The following REV3L variants were observed in gnomAD, a reference collection of about 807,000 sequenced individuals.
The protein encoded by REV3L is DNA polymerase zeta catalytic subunit.
Under a neutral mutation model 299.4 loss-of-function variants are expected in REV3L, and 69 were observed. The observed-to-expected ratio is 0.23, with a 90% CI of 0.19 to 0.28. The LOEUF is 0.28. REV3L is among the 10% of genes least tolerant of loss of function. The pLI is 1.00. For missense variants in REV3L, 3,128 were observed against 3,693.8 expected (o/e 0.85, Z 3.97); for synonymous variants, 1,238 against 1,271.4 (o/e 0.97, Z 0.56).
intron 27 of REV3L, 55 bp from the exon 28 acceptor site, chr6:111,313,544 G>T: frequency 1.3e-6 from 2 of 1,512,852 alleles, no homozygotes; most frequent in Non-Finnish European, 8.9e-7. Flanking sequence ...CACCAAGAAT[G>T]TTTTATTTTT....
Position 111,482,990 on chromosome 6 carries a change from C to A in REV3L, c.-102G>T. 1 of 1,332,082 alleles carries A rather than the reference C, an allele frequency of 7.5e-7. No individual in the cohort carries two copies. The highest frequency in any genetic ancestry group is 1.7e-5 in the South Asian group (1 of 57,162). 82.5% of individuals were successfully genotyped at this position (1,332,082 alleles called of 1,614,324 possible). On this transcript the variant is annotated 5_prime_UTR_variant, in exon 1 of 32. Coordinates refer to ENST00000368802, the MANE Select transcript of REV3L (RefSeq NM_001372078.1). Reference sequence around the variant, plus strand: ...AGCGGCGGCGGCGCCCCCTCCCCTTCTCGGCACGGCCCCCTCCCCTCACAC... The same window carrying A: ...AGCGGCGGCGGCGCCCCCTCCCCTTATCGGCACGGCCCCCTCCCCTCACAC...
intron 31 of REV3L, among the ~76,000 whole-genome samples, chr6:111,300,933 A>G (rs1367178933): frequency 1.3e-5 from 2 of 152,250 alleles, no homozygotes; most frequent in Non-Finnish European, 2.9e-5. Flanking sequence ...AAGGGAGATA[A>G]CCATAAAATC....
intron 26 of REV3L, among the ~76,000 whole-genome samples, chr6:111,321,504 A>G (rs1774188619): frequency 6.6e-6 from 1 of 152,192 alleles, no homozygotes; most frequent in African/African-American, 2.4e-5. Flanking sequence ...AGTTTCATAG[A>G]ACAATAAAAT....
intron 26 of REV3L, chr6:111,315,588 A>T: frequency 1.8e-6 from 1 of 547,566 alleles, no homozygotes; most frequent in Non-Finnish European, 3.3e-6. Context: ...CTTTTAAGAC[A>T]TCCAATATTT....
At chr6:111,441,830 T>C (rs1378645750) in intron 1 of REV3L, among the ~76,000 whole-genome samples, 2 of 152,194 alleles carry the variant, frequency 1.3e-5, no homozygotes. Flanking sequence ...TAATCTTCTG[T>C]TATTATACAG....
chr6:111,307,238 A>T (rs1235169975), intron 31 of REV3L, 123 bp downstream of exon 31: 2 of 767,748 alleles, frequency 2.6e-6, no homozygotes, highest in Non-Finnish European at 4.4e-6. Flanking sequence ...GAAGTTTATC[A>T]TTTAGACTCT....
intron 1 of REV3L, among the ~76,000 whole-genome samples, chr6:111,470,671 C>G (rs1792089328): frequency 6.6e-6 from 1 of 152,170 alleles, no homozygotes; most frequent in Non-Finnish European, 1.5e-5. Flanking sequence ...TTTCTAATGA[C>G]CTCATTAAAA....
intron 31 of REV3L, among the ~76,000 whole-genome samples, chr6:111,300,908 C>T (rs1046200392): frequency 5.9e-5 from 9 of 152,190 alleles, no homozygotes; most frequent in East Asian, 5.8e-4. Context: ...AGGATAACAG[C>T]GATTTGCAGG....
Position 111,351,691 on chromosome 6 carries a change from T to C in REV3L, c.7285A>G (p.Ile2429Val), listed in dbSNP as rs766620001. The part of the protein sequence containing the change: ...AALSIDLCRM[I>V]SRVPDDKIEN... ...TGACACATACCTGGCACCCGAGAGA[T>C]CATCCGACATAAGTCAATACTTAAA... Residue 2429 changes from isoleucine to valine, a missense_variant, in exon 19 of 32, where the codon ATC becomes GTC. Physicochemically the swap from Ile to Val is conservative, Grantham distance 29 (BLOSUM62 3). Around this residue, in one of 9 missense-constraint regions of REV3L, gnomAD observed 50 missense variants for 48.2 expected, o/e 1.04. Transcript: ENST00000368802. 4.3e-6 allele frequency: 7 copies of C among 1,612,896 alleles called. No homozygotes were observed. The African/African-American group carries it at 9.4e-5, about 22-fold the overall frequency.
chr6:111,421,390 A>C (rs1785330336), intron 1 of REV3L, among the ~76,000 whole-genome samples: 1 of 152,200 alleles, frequency 6.6e-6, no homozygotes. Flanking sequence ...TAAATATTTT[A>C]GGCTTTATGG....
At chr6:111,313,253 G>T in intron 28 of REV3L, 99 bp downstream of exon 28, 1 of 1,063,330 alleles carries the variant, frequency 9.4e-7, no homozygotes, top group Non-Finnish European at 1.3e-6. Flanking sequence ...ATAGGCTATA[G>T]TTCCTTCACC....
rs529942794 is a variant in REV3L, at chr6:111,310,016, A to G, written c.8879T>C (p.Val2960Ala). 8.1e-6 allele frequency: 13 copies of G among 1,613,174 alleles called. No individual in the cohort carries two copies. The South Asian group carries it at 1.4e-4, about 18-fold the overall frequency. ...GCGCCTTACAAGCTGGATAAGTGGT[A>G]CTCCGGGGGTCCCATAAATGATGAC... ...PYVIIYGTPG[V>A]PLIQLVRRPV... Residue 2960 changes from valine to alanine, a missense_variant, in exon 30 of 32, where the codon GTA becomes GCA. Val to Ala is a moderately conservative substitution (Grantham distance 64, BLOSUM62 0). Around this residue, in one of 9 missense-constraint regions of REV3L, gnomAD observed 294 missense variants for 377.0 expected, o/e 0.78. Coordinates refer to ENST00000368802, the MANE Select transcript of REV3L (RefSeq NM_001372078.1).
At chr6:111,461,381 C>A (rs1790756836) in intron 1 of REV3L, among the ~76,000 whole-genome samples, 1 of 151,806 alleles carries the variant, frequency 6.6e-6, no homozygotes, top group Non-Finnish European at 1.5e-5. Context: ...TTTTGTACAG[C>A]TGTACAATGT....
At chr6:111,364,316 A>G (rs1423519353) in intron 15 of REV3L, among the ~76,000 whole-genome samples, 1 of 152,124 alleles carries the variant, frequency 6.6e-6, no homozygotes, top group Non-Finnish European at 1.5e-5. Context: ...AAGACAAGCA[A>G]GCAATCAATA....
intron 20 of REV3L, among the ~76,000 whole-genome samples, chr6:111,345,580 G>T (rs1776941975): frequency 1.3e-5 from 2 of 151,822 alleles, no homozygotes; most frequent in African/African-American, 4.8e-5. Context: ...CATACCCCAG[G>T]ATCTATCAAC....
chr6:111,398,347 A>G (rs961549471), intron 4 of REV3L, among the ~76,000 whole-genome samples: 1 of 152,060 alleles, frequency 6.6e-6, no homozygotes, highest in African/African-American at 2.4e-5. Context: ...GAGGATGTTA[A>G]AAAAATATAA....
At chr6:111,366,322 TAA>T (rs1231583564) in intron 14 of REV3L, among the ~76,000 whole-genome samples, 1 of 152,100 alleles carries the variant, frequency 6.6e-6, no homozygotes, top group Non-Finnish European at 1.5e-5. Flanking sequence ...TTCTGGAGCT[TAA>T]AAGAGAGATC....
chr6:111,438,118 T>C (rs900733084), intron 1 of REV3L, among the ~76,000 whole-genome samples: 2 of 151,932 alleles, frequency 1.3e-5, no homozygotes, highest in Non-Finnish European at 2.9e-5. Flanking sequence ...CTCAGCCTCC[T>C]GAGTAGCTGC....
At chr6:111,422,593 TACAC>T (rs71021840) in intron 1 of REV3L, among the ~76,000 whole-genome samples, 526 of 31,514 alleles carry the variant, frequency 0.017, 43 homozygotes, top group Middle Eastern at 0.029. Flanking sequence ...TATATATATA[TACAC>T]ATATATATAT....
Sources: allele counts gnomAD v4.1 joint callset (sites outside exome capture counted in the v4.1 genomes callset), GRCh38; gene constraint gnomAD v4.1.1; regional missense constraint gnomAD v4.1.1; transcripts MANE v1.5; gene names NCBI Gene and HGNC (gene_info 2026-07-23, HGNC 2026-07-21).